Variants in CDH12 observed in about 807,000 individuals in gnomAD.
The protein encoded by CDH12 is cadherin-12.
A neutral mutation model predicts 74.1 loss-of-function variants in CDH12; 41 were observed. The observed-to-expected ratio is 0.55, with a 90% CI of 0.43 to 0.72. The LOEUF (loss-of-function observed/expected upper bound fraction) is 0.72. Among genes scored for constraint, CDH12 ranks in the 30% least tolerant of loss-of-function variants. The pLI is 0.00. For missense variants in CDH12, 945 were observed against 977.2 expected, an observed-to-expected ratio of 0.97 and a Z score of 0.44; for synonymous variants, 399 against 355.0, an observed-to-expected ratio of 1.12 and a Z score of -1.39.
intron 2 of CDH12, among the ~76,000 whole-genome samples, chr5:22,467,388 A>G (rs967626056): frequency 2.0e-5 from 3 of 152,146 alleles, no homozygotes; most frequent in Non-Finnish European, 2.9e-5. Context: ...GTTCAAATCC[A>G]CTTAATGTTC....
chr5:22,817,572 T>A (rs949436197), intron 1 of CDH12, among the ~76,000 whole-genome samples: 16 of 152,160 alleles, frequency 1.1e-4, no homozygotes, highest in African/African-American at 3.6e-4. Context: ...ATTTAATTTC[T>A]ATACTGAGTT....
intron 1 of CDH12, among the ~76,000 whole-genome samples, chr5:22,590,725 A>G (rs1736258531): frequency 2.0e-5 from 3 of 152,126 alleles, no homozygotes; most frequent in Admixed American, 2.0e-4. Flanking sequence ...TAGCAATTAA[A>G]CCCTGTTTTA....
At chr5:22,270,391 C>G (rs954567731) in intron 3 of CDH12, among the ~76,000 whole-genome samples, 1 of 151,858 alleles carries the variant, frequency 6.6e-6, no homozygotes, top group Admixed American at 6.6e-5. Flanking sequence ...GTCTGGAGAT[C>G]GAGACCATCC....
At chr5:21,958,471 T>C (rs565195367) in intron 6 of CDH12, among the ~76,000 whole-genome samples, 59 of 152,312 alleles carry the variant, frequency 3.9e-4, no homozygotes, top group Non-Finnish European at 7.9e-4. Flanking sequence ...GATTTTTGTA[T>C]ATTGTGTAAG....
intron 1 of CDH12, among the ~76,000 whole-genome samples, chr5:22,732,473 C>T (rs770366076): frequency 2.3e-3 from 66 of 28,560 alleles, no homozygotes; most frequent in South Asian, 8.9e-3. Flanking sequence ...TATATATATA[C>T]ACACACACAC....
At chr5:21,895,250 C>G (rs1326309764) in intron 6 of CDH12, among the ~76,000 whole-genome samples, 2 of 152,136 alleles carry the variant, frequency 1.3e-5, no homozygotes, top group Non-Finnish European at 2.9e-5. Flanking sequence ...TTCAGCTTAC[C>G]TCACATACCC....
chr5:22,141,317 C>T (rs1746779754), intron 4 of CDH12: 1 of 152,168 alleles, frequency 6.6e-6, no homozygotes, highest in Non-Finnish European at 1.5e-5. Context: ...AAATGTTATA[C>T]TATCTATGTG....
At chr5:22,228,848 A>G (rs1466279059) in intron 3 of CDH12, among the ~76,000 whole-genome samples, 1 of 152,156 alleles carries the variant, frequency 6.6e-6, no homozygotes, top group Non-Finnish European at 1.5e-5. Flanking sequence ...CTCCATAATG[A>G]ACATAACATA....
intron 5 of CDH12, among the ~76,000 whole-genome samples, chr5:21,992,021 C>G (rs1757776816): frequency 6.6e-6 from 1 of 151,772 alleles, no homozygotes; most frequent in Non-Finnish European, 1.5e-5. Flanking sequence ...ATTAACTATC[C>G]TGTGTAAGAA....
chr5:21,918,209 C>T (rs7380262), intron 6 of CDH12, among the ~76,000 whole-genome samples: 110,604 of 151,940 alleles, frequency 0.73, 43,341 homozygotes, highest in East Asian at 0.93. Context: ...TATAGTGTTA[C>T]TTTATTATTA....
chr5:22,323,686 G>A (rs1363670064), intron 3 of CDH12, among the ~76,000 whole-genome samples: 2 of 152,122 alleles, frequency 1.3e-5, no homozygotes, highest in African/African-American at 4.8e-5. Context: ...ATGAGAGAAT[G>A]GTGAAACATG....
At chr5:22,190,929 C>T (rs1214769509) in intron 4 of CDH12, among the ~76,000 whole-genome samples, 2 of 152,214 alleles carry the variant, frequency 1.3e-5, no homozygotes, top group Non-Finnish European at 2.9e-5. Context: ...TACTCAACTC[C>T]CACCACTATG....
intron 1 of CDH12, among the ~76,000 whole-genome samples, chr5:22,638,465 G>A (rs1738955457): frequency 6.6e-6 from 1 of 152,092 alleles, no homozygotes; most frequent in African/African-American, 2.4e-5. Context: ...AGCTGGTCTA[G>A]TCCTTCCAAG....
Position 22,301,536 on chromosome 5 carries a change from C to T in CDH12, c.-332-88893G>A, listed in dbSNP as rs533127835. On this transcript the variant is annotated intron_variant, in intron 3 of 14. Transcript: ENST00000382254. ...ACTTCAGCCACAACAAAATATACTG[C>T]AAAATTTCAGTGAAACATAGAGATT... Among the ~76,000 whole-genome samples, 7 of 152,264 alleles carry T rather than the reference C, an allele frequency of 4.6e-5. No individual in the cohort carries two copies. In the South Asian group the frequency reaches 6.2e-4, roughly 14 times the overall value.
intron 6 of CDH12, among the ~76,000 whole-genome samples, chr5:21,920,599 C>G (rs1297533321): frequency 1.3e-5 from 2 of 151,280 alleles, no homozygotes; most frequent in South Asian, 4.2e-4. Context: ...ATGGGTGCAG[C>G]AAACCACCAT....
chr5:22,210,833 T>TAAAA (rs34486582), intron 4 of CDH12, among the ~76,000 whole-genome samples: 1 of 144,420 alleles, frequency 6.9e-6, no homozygotes, highest in African/African-American at 2.5e-5. Flanking sequence ...TCAAGTTGCT[T>TAAAA]AAAAAAAAAA....
rs1427844077 is a variant in CDH12 at position 22,143,867 on chromosome 5, A to G, written c.-186-65005T>C. Reference sequence around the variant, plus strand: ...ACTGTTTGCATATACTTCTGTTTGTAAAAATATCAGTTTTACTTTTCAGAG... The same window carrying G: ...ACTGTTTGCATATACTTCTGTTTGTGAAAATATCAGTTTTACTTTTCAGAG... On this transcript the variant is annotated intron_variant, in intron 4 of 14. Coordinates refer to ENST00000382254, the MANE Select transcript of CDH12 (RefSeq NM_004061.5). 2.6e-5 allele frequency: 4 copies of G among 152,482 alleles called. No individual in the cohort carries two copies. The East Asian group carries it at 7.7e-4, about 30-fold the overall frequency. The allele number at this position is 152,482 out of a possible 1,614,324, so 9.4% of individuals were successfully genotyped here. A position where few individuals can be genotyped will look rare whatever the true frequency, so the allele number is the denominator to read the frequency against.
In CDH12 at chr5:21,854,728, T is replaced by A; in HGVS notation, c.589A>T (p.Arg197Ter). 1.9e-6 allele frequency: 3 copies of A among 1,609,192 alleles called. No homozygotes were observed. The highest frequency in any genetic ancestry group is 2.5e-6 in the Non-Finnish European group (3 of 1,176,512). Residue 197 changes from arginine (R) to a stop codon, truncating the protein, a stop_gained, in exon 7 of 15, where the codon AGA becomes TGA. Coordinates refer to ENST00000382254, the MANE Select transcript of CDH12 (RefSeq NM_004061.5). LOFTEE classifies it high-confidence loss of function. ...ADDPTYGNSA[R>*]VVYSILQGQP... ...CCCTGAAGAATGCTGTAAACGACTC[T>A]GGCACTGTTTCCATAGGTCGGGTCA...
intron 1 of CDH12, among the ~76,000 whole-genome samples, chr5:22,727,164 A>G (rs2126998419): frequency 2.0e-5 from 3 of 151,878 alleles, no homozygotes; most frequent in African/African-American, 7.2e-5. Context: ...TTAACTGGGA[A>G]CTTGCAATAT....
Sources: gnomAD v4.1 joint callset for allele counts (sites outside exome capture counted in the v4.1 genomes callset) on GRCh38, gnomAD v4.1.1 for gene constraint, MANE v1.5 for transcripts, NCBI Gene and HGNC (gene_info 2026-07-23, HGNC 2026-07-21) for gene names.